Variants in HCN1 observed in about 807,000 individuals in gnomAD.
HCN1 encodes hyperpolarization activated cyclic nucleotide gated potassium channel 1.
A neutral mutation model predicts 78.9 loss-of-function variants in HCN1; 13 were observed. The observed-to-expected ratio is 0.16, with a 90% CI of 0.11 to 0.26. HCN1 has a LOEUF of 0.26. Ranked by LOEUF, HCN1 falls within the 10% of genes least tolerant of loss-of-function variation. The pLI is 1.00. For synonymous variants in HCN1, 552 were observed against 455.5 expected (o/e 1.21, Z -2.70); for missense variants, 810 against 1,154.3 (o/e 0.70, Z 4.32).
chr5:45,541,747 G>T (rs1440398379), intron 2 of HCN1, among the ~76,000 whole-genome samples: 2 of 151,894 alleles, frequency 1.3e-5, no homozygotes, highest in African/African-American at 4.8e-5. Flanking sequence ...TTCTTCTTTG[G>T]GAAGGGGATA....
intron 1 of HCN1, among the ~76,000 whole-genome samples, chr5:45,680,414 C>G (rs1309769795): frequency 6.6e-6 from 1 of 152,082 alleles, no homozygotes; most frequent in Non-Finnish European, 1.5e-5. Context: ...TACCTCCTTT[C>G]TATTTGAACT....
intron 1 of HCN1, among the ~76,000 whole-genome samples, chr5:45,659,675 G>A (rs1210761980): frequency 1.2e-4 from 16 of 138,776 alleles, no homozygotes; most frequent in Middle Eastern, 7.2e-3. Flanking sequence ...CTCAGGAGCC[G>A]ATGCAATCAA....
chr5:45,695,948 C>T lies in HCN1; in HGVS notation c.146G>A (p.Gly49Asp). 1 of 1,350,702 alleles carries T rather than the reference C, an allele frequency of 7.4e-7. No homozygotes were observed. The highest frequency in any genetic ancestry group is 1.9e-5 in the South Asian group (1 of 53,756). The allele number at this position is 1,350,702 out of a possible 1,614,324, so 83.7% of individuals were successfully genotyped here. A position where few individuals can be genotyped will look rare whatever the true frequency, so the allele number is the denominator to read the frequency against. The change falls in exon 1 of 8, where the codon GGC (glycine) becomes GAC (aspartate). Residue 49 changes from glycine to aspartate, a missense_variant. Gly to Asp is a moderately conservative substitution (Grantham distance 94). This residue lies in a region of HCN1 where 170 missense variants were observed against 166.8 expected (regional missense o/e 1.02). Coordinates refer to ENST00000303230, the MANE Select transcript of HCN1 (RefSeq NM_021072.4). ...LGTPPGGGGA[G>D]AKEHGNSVCF... is the part of the protein sequence containing the mutation. ...CACGGAGTTGCCGTGCTCCTTCGCG[C>T]CGGCCCCGCCGCCCCCCGGCGGGGT...
At chr5:45,395,114 A>G (rs1739662107) in intron 4 of HCN1, among the ~76,000 whole-genome samples, 2 of 152,176 alleles carry the variant, frequency 1.3e-5, no homozygotes, top group African/African-American at 4.8e-5. Flanking sequence ...CTGGAAGTTA[A>G]ACATTTGTTT....
intron 6 of HCN1, among the ~76,000 whole-genome samples, chr5:45,288,857 G>C (rs1406431772): frequency 1.3e-5 from 2 of 151,948 alleles, no homozygotes; most frequent in African/African-American, 4.8e-5. Context: ...AGAATAAAAA[G>C]CTTCTGTTAT....
chr5:45,278,804 G>C (rs950857477), intron 6 of HCN1, among the ~76,000 whole-genome samples: 1 of 152,016 alleles, frequency 6.6e-6, no homozygotes, highest in African/African-American at 2.4e-5. Context: ...TTGGAAAAGA[G>C]GCTTGTTTTG....
intron 5 of HCN1, among the ~76,000 whole-genome samples, chr5:45,313,592 C>T (rs1228523061): frequency 6.6e-6 from 1 of 152,136 alleles, no homozygotes; most frequent in African/African-American, 2.4e-5. Flanking sequence ...AAGTGCAAAT[C>T]CACCGCAAAG....
Position 45,262,082 on chromosome 5 carries a change from G to A in HCN1, c.2512C>T (p.Arg838Cys), listed in dbSNP as rs759882440. 6.2e-7 allele frequency: 1 copy of A among 1,613,176 alleles called. No homozygotes were observed. Among genetic ancestry groups the A allele is most frequent in the Admixed American group, 1.7e-5 (1 of 60,024 alleles). ...QAGGRSTVPQ[R>C]VTLFRQMSSG... ...GACATCTGTCGGAAGAGGGTGACGC[G>A]CTGCGGGACAGTGCTCCTGCCCCCT... Residue 838 changes from arginine to cysteine, a missense_variant, in exon 8 of 8, where the codon CGC becomes TGC. Coordinates refer to ENST00000303230, the MANE Select transcript of HCN1 (RefSeq NM_021072.4).
At chr5:45,368,763 TAA>T (rs1229832463) in intron 4 of HCN1, among the ~76,000 whole-genome samples, 10 of 152,140 alleles carry the variant, frequency 6.6e-5, no homozygotes, top group African/African-American at 2.2e-4. Context: ...GCCAAAAGTG[TAA>T]AGTTTTTGTT....
intron 4 of HCN1, among the ~76,000 whole-genome samples, chr5:45,374,351 T>A (rs1020703516): frequency 1.8e-4 from 25 of 141,762 alleles, no homozygotes; most frequent in Non-Finnish European, 3.0e-4. Context: ...ATATATAATA[T>A]ACATATCCCT....
chr5:45,513,773 A>G (rs901250535), intron 2 of HCN1, among the ~76,000 whole-genome samples: 1 of 152,146 alleles, frequency 6.6e-6, no homozygotes, highest in African/African-American at 2.4e-5. Context: ...ATTGTTTTCC[A>G]TGAGACCAGT....
Position 45,301,606 on chromosome 5 carries a change from C to T in HCN1, c.1618+1993G>A, listed in dbSNP as rs575259721. On this transcript the variant is annotated intron_variant, in intron 6 of 7. Transcript: ENST00000303230. ...GCATGGGGACACATGCCTGTGGTCCCAGCTACTAGGGAGGCTGAGGTGGGA... is the reference window on the plus strand; with the variant it reads ...GCATGGGGACACATGCCTGTGGTCCTAGCTACTAGGGAGGCTGAGGTGGGA... 2.0e-5 allele frequency among the ~76,000 whole-genome samples: 3 copies of T among 150,960 alleles called. No homozygotes were observed. In the South Asian group the frequency reaches 6.3e-4, roughly 31 times the overall value.
At chr5:45,425,208 A>C (rs1293763948) in intron 3 of HCN1, among the ~76,000 whole-genome samples, 1 of 152,210 alleles carries the variant, frequency 6.6e-6, no homozygotes, top group East Asian at 1.9e-4. Context: ...ATATGCCCAC[A>C]CTTAACAGCT....
intron 1 of HCN1, among the ~76,000 whole-genome samples, chr5:45,661,312 G>C (rs1691679945): frequency 1.4e-5 from 2 of 141,310 alleles, no homozygotes; most frequent in South Asian, 2.4e-4. Context: ...GCAGTGTGTA[G>C]AGGGAAATTT....
At chr5:45,395,912 G>GT (rs1739678279) in intron 4 of HCN1, among the ~76,000 whole-genome samples, 1 of 152,076 alleles carries the variant, frequency 6.6e-6, no homozygotes, top group Non-Finnish European at 1.5e-5. Context: ...TGTGAGAAAA[G>GT]TTTAGAGCAG....
At chr5:45,303,900 CA>C in intron 5 of HCN1, 61 bp from the exon 6 acceptor site, 1 of 1,454,684 alleles carries the variant, frequency 6.9e-7, no homozygotes, top group Non-Finnish European at 9.6e-7. Flanking sequence ...GGAAGAAAAA[CA>C]TGCTGAAATT....
rs182896444 is a variant in HCN1, at chr5:45,525,770, G to C, written c.850-63763C>G. On this transcript the variant is annotated intron_variant, in intron 2 of 7. Transcript: ENST00000303230. ...TCCACTGCTACACTGCTCTGCCTCA[G>C]TGCTCACTATAATATTTAGTTTAGG... Among the ~76,000 whole-genome samples, 501 of 152,054 alleles carry C rather than the reference G, an allele frequency of 3.3e-3. 4 individuals are homozygous for C. The highest frequency in any genetic ancestry group is 1.8e-3 in the Non-Finnish European group (122 of 67,948).
chr5:45,420,509 G>T (rs1166572824), intron 3 of HCN1, among the ~76,000 whole-genome samples: 6 of 152,082 alleles, frequency 3.9e-5, no homozygotes, highest in Non-Finnish European at 7.4e-5. Flanking sequence ...AAATTTGGGT[G>T]TAATAGTTAG....
At chr5:45,461,767 G>T in intron 3 of HCN1, 79 bp downstream of exon 3, 1 of 1,227,680 alleles carries the variant, frequency 8.1e-7, no homozygotes, top group South Asian at 1.3e-5. Context: ...GAAGAAATCA[G>T]ATCATTGTAA....
Sources: allele counts gnomAD v4.1 joint callset (sites outside exome capture counted in the v4.1 genomes callset), GRCh38; gene constraint gnomAD v4.1.1; regional missense constraint gnomAD v4.1.1; transcripts MANE v1.5; gene names NCBI Gene and HGNC (gene_info 2026-07-23, HGNC 2026-07-21).